The following PI4KA variants were observed in gnomAD, a reference collection of about 807,000 sequenced individuals.
The protein encoded by PI4KA is PI4-kinase alpha.
In PI4KA, 122 loss-of-function variants were observed where a neutral mutation model predicts 271.4. That is an observed-to-expected ratio of 0.45 (90% CI 0.39 to 0.52). PI4KA has a LOEUF of 0.52. Among genes scored for constraint, PI4KA ranks in the 20% least tolerant of loss-of-function variants. PI4KA has a pLI of 0.00. For synonymous variants in PI4KA, 1,041 were observed against 1,078.8 expected (o/e 0.96, Z 0.69); for missense variants, 1,969 against 2,769.1 (o/e 0.71, Z 6.48).
intron 17 of PI4KA, chr22:20,798,333 G>T: frequency 2.1e-6 from 1 of 470,196 alleles, no homozygotes. Context: ...AAGCAGGTCA[G>T]CTGCATGTGC....
chr22:20,786,280 T>A lies in PI4KA; in HGVS notation c.2328+6913A>T, dbSNP rs1007124134. On this transcript the variant is annotated intron_variant, in intron 19 of 54. Transcript: ENST00000255882. ...GGGGTGCTGAGTCTGCTCTTCGGCC[T>A]GGGTGGGATACACAGAATGCCTAGT... is the stretch of plus-strand genomic sequence containing the variant. The A allele has an allele frequency of 8.9e-6, 9 of 1,007,492 alleles. No homozygotes were observed. In the African/African-American group the frequency reaches 1.4e-4, roughly 16 times the overall value. The allele number at this position is 1,007,492 out of a possible 1,614,324, so 62.4% of individuals were successfully genotyped here.
intron 23 of PI4KA, among the ~76,000 whole-genome samples, chr22:20,760,766 C>T (rs4362657): frequency 6.6e-6 from 1 of 152,156 alleles, no homozygotes; most frequent in Non-Finnish European, 1.5e-5. Context: ...TCTCTGTCTT[C>T]CCAGGAGTTG....
chr22:20,830,551 T>C (rs964458726), intron 3 of PI4KA, among the ~76,000 whole-genome samples: 9 of 152,198 alleles, frequency 5.9e-5, no homozygotes, highest in Non-Finnish European at 1.0e-4. Context: ...GTATGTGGGA[T>C]TGGTCTCTTA....
Position 20,818,487 on chromosome 22 carries a change from A to T in PI4KA, c.852T>A (p.Phe284Leu). ...SSPGGSAFHY[F>L]EASCLPDGTA... is the part of the protein sequence containing the mutation. ...CTTCGGAAAGGTGAAGCCCACCTTC[A>T]AAGTAGTGAAAGGCAGATCCTCCAG... The change falls in exon 7 of 55, where the codon TTT (phenylalanine) becomes TTA (leucine). Residue 284 changes from phenylalanine (F) to leucine (L), a missense_variant. By Grantham distance (22) the Phe-to-Leu change is conservative (BLOSUM62 0). Coordinates refer to ENST00000255882, the MANE Select transcript of PI4KA (RefSeq NM_058004.4). The T allele has an allele frequency of 4.4e-6, 7 of 1,582,072 alleles. No homozygotes were observed. The highest frequency in any genetic ancestry group is 6.0e-6 in the Non-Finnish European group (7 of 1,167,368).
intron 42 of PI4KA, among the ~76,000 whole-genome samples, chr22:20,725,149 G>A (rs1927197596): frequency 1.3e-5 from 2 of 152,162 alleles, no homozygotes; most frequent in African/African-American, 4.8e-5. Flanking sequence ...CCCACAGGTG[G>A]GCCAGAGTGG....
chr22:20,801,115 C>G (rs1036737724), intron 14 of PI4KA, among the ~76,000 whole-genome samples: 3 of 149,014 alleles, frequency 2.0e-5, no homozygotes, highest in Non-Finnish European at 4.5e-5. Flanking sequence ...TGGTCTCGAA[C>G]TCCTGACCTC....
In PI4KA at chr22:20,810,963, A is replaced by G. The variant is rs1392267034; in HGVS notation, c.1071+4T>C. The G allele has an allele frequency of 2.5e-6, 4 of 1,608,796 alleles. No individual in the cohort carries two copies. Among genetic ancestry groups the G allele is most frequent in the Non-Finnish European group, 3.4e-6 (4 of 1,175,184 alleles). On this transcript the variant is annotated splice_donor_region_variant and intron_variant, in intron 9 of 54. Coordinates refer to ENST00000255882, the MANE Select transcript of PI4KA (RefSeq NM_058004.4). ...TCATGGTAATGCCCTCAGAAGCGAC[A>G]TACCTCCATCACACTGGCTACAATG...
chr22:20,812,029 A>G (rs1056751572), intron 8 of PI4KA, among the ~76,000 whole-genome samples: 6 of 151,784 alleles, frequency 4.0e-5, no homozygotes, highest in Non-Finnish European at 7.4e-5. Context: ...AAAAAAAAAA[A>G]AAAGAAAACC....
chr22:20,811,873 C>T (rs962748856), intron 8 of PI4KA, among the ~76,000 whole-genome samples: 1 of 151,706 alleles, frequency 6.6e-6, no homozygotes, highest in Non-Finnish European at 1.5e-5. Context: ...CTTAGCCGGG[C>T]GTGGTGGTGG....
At chr22:20,718,246 G>A (rs1210452582) in intron 44 of PI4KA, among the ~76,000 whole-genome samples, 1 of 152,214 alleles carries the variant, frequency 6.6e-6, no homozygotes, top group African/African-American at 2.4e-5. Flanking sequence ...CCTTATGAAT[G>A]CACAAAGCCA....
At chr22:20,844,639 C>T (rs762803174) in intron 1 of PI4KA, among the ~76,000 whole-genome samples, 6 of 152,190 alleles carry the variant, frequency 3.9e-5, no homozygotes, top group Non-Finnish European at 8.8e-5. Flanking sequence ...ATTAGAAAGA[C>T]ATCTGAAAAC....
intron 4 of PI4KA, 92 bp downstream of exon 4, chr22:20,824,234 A>G: frequency 1.2e-6 from 1 of 827,226 alleles, no homozygotes; most frequent in Admixed American, 1.9e-5. Context: ...AAACAATTCA[A>G]TCACATTTCA....
In PI4KA at chr22:20,798,831, T is replaced by G. The variant is rs1935128548; in HGVS notation, c.2005-144A>C. On this transcript the variant is annotated intron_variant, in intron 16 of 54. Coordinates refer to ENST00000255882, the MANE Select transcript of PI4KA (RefSeq NM_058004.4). ...CAAAGATCATCCATTTCTAAAGCTT[T>G]AATCAAACCTCAAATTAAAAGCTAA... The G allele has an allele frequency of 1.1e-5, 7 of 655,520 alleles. No individual in the cohort carries two copies. In the South Asian group the frequency reaches 1.3e-4, roughly 12 times the overall value. The allele number at this position is 655,520 out of a possible 1,614,324, so 40.6% of individuals were successfully genotyped here.
Position 20,804,984 on chromosome 22 carries a change from C to T in PI4KA, c.1350G>A (p.Lys450=). The part of the protein sequence containing the change: ...ACVDLMVWAV[K]DEQGAENLCI... The stretch of plus-strand genomic sequence containing the variant: ...GGCAGTCTGTCTCACCCTGCTCGTC[C>T]TTCACAGCCCACACCATGAGGTCCA... The change falls in exon 11 of 55, where the codon AAG becomes AAA. Residue 450 remains lysine, a synonymous_variant. Coordinates refer to ENST00000255882, the MANE Select transcript of PI4KA (RefSeq NM_058004.4). 1 of 1,612,368 alleles carries T rather than the reference C, an allele frequency of 6.2e-7. No homozygotes were observed. The highest frequency in any genetic ancestry group is 1.1e-5 in the South Asian group (1 of 90,758).
At chr22:20,731,162 G>A (rs1407025883) in intron 36 of PI4KA, among the ~76,000 whole-genome samples, 1 of 152,110 alleles carries the variant, frequency 6.6e-6, no homozygotes, top group Non-Finnish European at 1.5e-5. Context: ...CTGCGCGACA[G>A]AATGAGACTG....
chr22:20,811,244 G>A (rs1920983974), intron 8 of PI4KA, among the ~76,000 whole-genome samples: 1 of 152,182 alleles, frequency 6.6e-6, no homozygotes, highest in South Asian at 2.1e-4. Flanking sequence ...ACCTTAGATA[G>A]CAATGACATA....
chr22:20,770,426 T>C (rs1396212846), intron 19 of PI4KA, among the ~76,000 whole-genome samples: 1 of 147,664 alleles, frequency 6.8e-6, no homozygotes, highest in East Asian at 2.0e-4. Context: ...GGCAGGAGAA[T>C]CGCTTGAACC....
At chr22:20,781,644 T>C (rs1370234550) in intron 19 of PI4KA, among the ~76,000 whole-genome samples, 1 of 152,250 alleles carries the variant, frequency 6.6e-6, no homozygotes, top group African/African-American at 2.4e-5. Context: ...CCCCAAGGCA[T>C]GGCACAATGC....
intron 36 of PI4KA, among the ~76,000 whole-genome samples, chr22:20,731,797 C>T (rs865780878): frequency 5.9e-5 from 9 of 151,892 alleles, no homozygotes; most frequent in Admixed American, 1.3e-4. Context: ...GGTGTGGTAG[C>T]GAGCGCCTGT....
Sources: gnomAD v4.1 joint callset for allele counts (sites outside exome capture counted in the v4.1 genomes callset) on GRCh38, gnomAD v4.1.1 for gene constraint, MANE v1.5 for transcripts, NCBI Gene and HGNC (gene_info 2026-07-23, HGNC 2026-07-21) for gene names.